Variants in FRMD4A observed in about 807,000 individuals in gnomAD.
The protein encoded by FRMD4A is FERM domain-containing protein 4A.
A neutral mutation model predicts 129.1 loss-of-function variants in FRMD4A; 29 were observed. The ratio of observed to expected loss-of-function variants is 0.22; its 90% CI spans 0.17 to 0.31. The LOEUF is 0.31. Among genes scored for constraint, FRMD4A ranks in the 10% least tolerant of loss-of-function variants. The pLI is 1.00. For synonymous variants in FRMD4A, 634 were observed against 571.6 expected (o/e 1.11, Z -1.56); for missense variants, 1,272 against 1,375.8 (o/e 0.92, Z 1.19).
intron 2 of FRMD4A, among the ~76,000 whole-genome samples, chr10:13,917,708 A>G (rs913772357): frequency 3.3e-5 from 5 of 152,104 alleles, no homozygotes; most frequent in Non-Finnish European, 7.4e-5. Context: ...CAGGACACAA[A>G]CCCAACAGCT....
At chr10:13,860,390 C>T (rs2094277922) in intron 2 of FRMD4A, among the ~76,000 whole-genome samples, 1 of 152,080 alleles carries the variant, frequency 6.6e-6, no homozygotes, top group Non-Finnish European at 1.5e-5. Context: ...TAATTGGCAC[C>T]CCACATTCCT....
At chr10:14,134,065 A>G (rs1839404197) in intron 2 of FRMD4A, among the ~76,000 whole-genome samples, 1 of 152,184 alleles carries the variant, frequency 6.6e-6, no homozygotes, top group Admixed American at 6.5e-5. Context: ...ATATAGAGCC[A>G]TATCTGTGAT....
chr10:14,314,104 C>T (rs1344832974), intron 2 of FRMD4A, among the ~76,000 whole-genome samples: 7 of 152,236 alleles, frequency 4.6e-5, no homozygotes. Flanking sequence ...AAATGCCCAA[C>T]CACAGCTCAA....
chr10:14,052,733 T>TTC (rs397938297), intron 2 of FRMD4A, among the ~76,000 whole-genome samples: 1 of 151,564 alleles, frequency 6.6e-6, no homozygotes, highest in African/African-American at 2.4e-5. Context: ...TATTTTTTTT[T>TTC]CTGTATTTTT....
chr10:13,851,426 G>C (rs2131011468), intron 3 of FRMD4A, among the ~76,000 whole-genome samples: 1 of 152,230 alleles, frequency 6.6e-6, no homozygotes, highest in Non-Finnish European at 1.5e-5. Context: ...TGTTAGGAAT[G>C]GGGCTGCACA....
At chr10:13,771,389 C>T (rs1268146083) in intron 6 of FRMD4A, among the ~76,000 whole-genome samples, 1 of 152,168 alleles carries the variant, frequency 6.6e-6, no homozygotes, top group Non-Finnish European at 1.5e-5. Context: ...GGCTCCCAGA[C>T]CAATTTGGAC....
At chr10:13,711,244 C>G (rs2087985309) in intron 12 of FRMD4A, among the ~76,000 whole-genome samples, 1 of 152,210 alleles carries the variant, frequency 6.6e-6, no homozygotes, top group Non-Finnish European at 1.5e-5. Flanking sequence ...GCATTTCTGC[C>G]CATGGGCCCT....
intron 2 of FRMD4A, among the ~76,000 whole-genome samples, chr10:13,918,982 T>G (rs1028800382): frequency 6.6e-6 from 1 of 152,222 alleles, no homozygotes; most frequent in Non-Finnish European, 1.5e-5. Context: ...TACAGGCATC[T>G]GTGGTCTGGT....
At chr10:13,700,114 T>C (rs1027740363) in intron 14 of FRMD4A, among the ~76,000 whole-genome samples, 2 of 152,074 alleles carry the variant, frequency 1.3e-5, no homozygotes, top group East Asian at 1.9e-4. Flanking sequence ...TTTTCTTCTT[T>C]TTTTTTTCTT....
chr10:14,011,245 T>C (rs10906565), intron 2 of FRMD4A, among the ~76,000 whole-genome samples: 60,037 of 152,008 alleles, frequency 0.39, 14,008 homozygotes, highest in Non-Finnish European at 0.54. Flanking sequence ...AATGTCAATA[T>C]AGGAAATTGT....
chr10:13,947,681 G>T (rs2095342274), intron 2 of FRMD4A, among the ~76,000 whole-genome samples: 1 of 151,926 alleles, frequency 6.6e-6, no homozygotes, highest in African/African-American at 2.4e-5. Context: ...CCATAGTACA[G>T]CAGAAGCCTC....
chr10:13,861,595 C>A (rs10906519), intron 2 of FRMD4A, among the ~76,000 whole-genome samples: 73,584 of 152,008 alleles, frequency 0.48, 17,779 homozygotes, highest in East Asian at 0.64. Context: ...GGAAAAACTT[C>A]AATCCAAAGC....
chr10:13,856,217 AGTGT>A (rs36225405), intron 3 of FRMD4A, among the ~76,000 whole-genome samples: 22,493 of 145,584 alleles, frequency 0.15, 1,790 homozygotes, highest in Non-Finnish European at 0.16. Flanking sequence ...ATTTTGTGCA[AGTGT>A]GTGTGTGTGT....
intron 2 of FRMD4A, among the ~76,000 whole-genome samples, chr10:14,327,512 C>T (rs1843324552): frequency 6.6e-6 from 1 of 152,190 alleles, no homozygotes; most frequent in Admixed American, 6.5e-5. Flanking sequence ...GGGACATTCC[C>T]AGGATCACTC....
At chr10:13,691,360 C>A (rs972901989) in intron 15 of FRMD4A, among the ~76,000 whole-genome samples, 1 of 152,206 alleles carries the variant, frequency 6.6e-6, no homozygotes, top group African/African-American at 2.4e-5. Context: ...ACAGCCTCAT[C>A]TATAGCTGCT....
chr10:14,084,153 T>C (rs1464571112), intron 2 of FRMD4A, among the ~76,000 whole-genome samples: 1 of 152,196 alleles, frequency 6.6e-6, no homozygotes, highest in Non-Finnish European at 1.5e-5. Context: ...AGGGCTTTTT[T>C]AACTTTTCCT....
At chr10:14,108,320 A>T (rs1837692051) in intron 2 of FRMD4A, among the ~76,000 whole-genome samples, 1 of 152,234 alleles carries the variant, frequency 6.6e-6, no homozygotes, top group African/African-American at 2.4e-5. Context: ...ATACTGATTA[A>T]GTGCATTTGA....
At chr10:13,856,976 C>T (rs191348112) in intron 3 of FRMD4A, among the ~76,000 whole-genome samples, 1 of 152,248 alleles carries the variant, frequency 6.6e-6, no homozygotes, top group Admixed American at 6.5e-5. Flanking sequence ...CAATTTGAAG[C>T]TTCAAATGTT....
chr10:13,739,300 G>A (rs951504113), intron 11 of FRMD4A, among the ~76,000 whole-genome samples: 1 of 152,204 alleles, frequency 6.6e-6, no homozygotes, highest in African/African-American at 2.4e-5. Flanking sequence ...GCAGCTGTGT[G>A]CACTGCAACG....
Sources: gnomAD v4.1 joint callset for allele counts (sites outside exome capture counted in the v4.1 genomes callset) on GRCh38, gnomAD v4.1.1 for gene constraint, MANE v1.5 for transcripts, NCBI Gene and HGNC (gene_info 2026-07-23, HGNC 2026-07-21) for gene names.